The following CCDC88A variants were observed in gnomAD, a reference collection of about 807,000 sequenced individuals.
The protein encoded by CCDC88A is girdin.
In CCDC88A, 54 loss-of-function variants were observed where a neutral mutation model predicts 234.3. That is an observed-to-expected ratio of 0.23 (90% CI 0.19 to 0.29). CCDC88A has a LOEUF of 0.29. Among genes scored for constraint, CCDC88A ranks in the 10% least tolerant of loss-of-function variants. CCDC88A has a pLI of 1.00. For missense variants in CCDC88A, 1,832 were observed against 2,123.4 expected, an observed-to-expected ratio of 0.86 and a Z score of 2.70; for synonymous variants, 753 against 737.8, an observed-to-expected ratio of 1.02 and a Z score of -0.33.
chr2:55,327,031 G>GT (rs1028299203), intron 17 of CCDC88A, among the ~76,000 whole-genome samples: 11 of 152,042 alleles, frequency 7.2e-5, no homozygotes, highest in East Asian at 1.9e-4. Context: ...AGGTTAATGT[G>GT]TTTTTTTTGT....
At chr2:55,399,117 A>C (rs1678132586) in intron 2 of CCDC88A, among the ~76,000 whole-genome samples, 1 of 152,140 alleles carries the variant, frequency 6.6e-6, no homozygotes, top group Non-Finnish European at 1.5e-5. Flanking sequence ...AAAAGATAAA[A>C]TCTTATCTAC....
intron 2 of CCDC88A, among the ~76,000 whole-genome samples, chr2:55,390,851 C>T (rs1676522847): frequency 6.6e-6 from 1 of 152,182 alleles, no homozygotes; most frequent in Non-Finnish European, 1.5e-5. Flanking sequence ...GCTTTGGCTT[C>T]ACACAGGCAT....
At chr2:55,353,479 T>C (rs1670150776) in intron 8 of CCDC88A, among the ~76,000 whole-genome samples, 1 of 152,172 alleles carries the variant, frequency 6.6e-6, no homozygotes, top group Non-Finnish European at 1.5e-5. Flanking sequence ...AAATGAAAGC[T>C]GTTATTTTTT....
Position 55,335,160 on chromosome 2 carries a change from T to C in CCDC88A, c.1661A>G (p.Lys554Arg), listed in dbSNP as rs1393670739. Residue 554 changes from lysine to arginine, a missense_variant, in exon 15 of 33, where the codon AAG (lysine) becomes AGG (arginine). Around this residue, in one of 6 missense-constraint regions of CCDC88A, gnomAD observed 1,282 missense variants for 1,543.6 expected, o/e 0.83. Coordinates refer to ENST00000436346, the MANE Select transcript of CCDC88A (RefSeq NM_001365480.1). This position sits in a 1 kb window ranked among gnomAD's most constrained non-coding sequence, Gnocchi z 4.5. The stretch of plus-strand genomic sequence containing the variant: ...ATGTTCATTTTCCTGTTCCAGTATC[T>C]TAATCTAATTTGAAAAGAAAATAAT... ...TLRENSERQI[K>R]ILEQENEHLN... is the part of the protein sequence containing the mutation. The C allele has an allele frequency of 1.4e-6, 2 of 1,465,010 alleles. No homozygotes were observed. Among genetic ancestry groups the C allele is most frequent in the Non-Finnish European group, 1.8e-6 (2 of 1,106,310 alleles). The allele number at this position is 1,465,010 out of a possible 1,614,324, so 90.8% of individuals were successfully genotyped here. A position where few individuals can be genotyped will look rare whatever the true frequency, so the allele number is the denominator to read the frequency against.
chr2:55,313,677 G>GTTTTT (rs1682612839), intron 22 of CCDC88A: 2 of 152,004 alleles, frequency 1.3e-5, no homozygotes, highest in African/African-American at 4.8e-5. Flanking sequence ...CCAGAGATCT[G>GTTTTT]TATTAAAAAA....
rs1436513647 is a variant in CCDC88A, at chr2:55,362,203, T to G, written c.627+105A>C. The G allele has an allele frequency of 4.6e-6, 4 of 860,866 alleles. No homozygotes were observed. In the African/African-American group the frequency reaches 7.1e-5, roughly 15 times the overall value. 53.3% of individuals were successfully genotyped at this position (860,866 alleles called of 1,614,324 possible). A position where few individuals can be genotyped will look rare whatever the true frequency, so the allele number is the denominator to read the frequency against. ...CCACACAAAAAAAGACACTCCTGTA[T>G]CACCTGTCTCTAAGAAATAGTATCG... On this transcript the variant is annotated intron_variant, in intron 7 of 32. Coordinates refer to ENST00000436346, the MANE Select transcript of CCDC88A (RefSeq NM_001365480.1).
At chr2:55,397,720 T>C (rs906330901) in intron 2 of CCDC88A, among the ~76,000 whole-genome samples, 1 of 152,156 alleles carries the variant, frequency 6.6e-6, no homozygotes, top group African/African-American at 2.4e-5. Flanking sequence ...TCTTCTTAAA[T>C]TTTGTGTCCA....
intron 31 of CCDC88A, chr2:55,292,039 C>T (rs1257729332): frequency 6.9e-6 from 2 of 289,450 alleles, no homozygotes; most frequent in Non-Finnish European, 1.3e-5. Context: ...GATAGCCTTA[C>T]TATGTTTATT....
At chr2:55,413,651 A>C (rs1680867136) in intron 2 of CCDC88A, among the ~76,000 whole-genome samples, 2 of 152,192 alleles carry the variant, frequency 1.3e-5, no homozygotes, top group South Asian at 4.1e-4. Flanking sequence ...CCCTGGCTTC[A>C]GGAAACTCAC....
chr2:55,336,606 G>A, intron 14 of CCDC88A, 75 bp downstream of exon 14: 2 of 898,402 alleles, frequency 2.2e-6, no homozygotes, highest in Non-Finnish European at 3.3e-6. Context: ...TGAACATTTT[G>A]TTTGCATATA....
intron 17 of CCDC88A, among the ~76,000 whole-genome samples, chr2:55,327,225 C>T (rs1429859177): frequency 1.3e-5 from 2 of 152,104 alleles, no homozygotes; most frequent in Non-Finnish European, 2.9e-5. Context: ...TGGAAAAAAA[C>T]TGGAACATTC....
chr2:55,408,219 A>C (rs1679922030), intron 2 of CCDC88A, among the ~76,000 whole-genome samples: 1 of 152,082 alleles, frequency 6.6e-6, no homozygotes, highest in East Asian at 1.9e-4. Flanking sequence ...TCAAATTCTG[A>C]AAATCTACTC....
chr2:55,358,763 T>C (rs1233659258), intron 7 of CCDC88A, among the ~76,000 whole-genome samples: 1 of 150,420 alleles, frequency 6.6e-6, no homozygotes, highest in Non-Finnish European at 1.5e-5. Context: ...GATATACAAG[T>C]TTCTTCAACC....
chr2:55,343,939 T>C, intron 11 of CCDC88A, 147 bp from the exon 12 acceptor site: 1 of 622,964 alleles, frequency 1.6e-6, no homozygotes, highest in Admixed American at 3.5e-5. Flanking sequence ...AAGGCAATTA[T>C]AATTATTACC....
At position 55,334,820 on chromosome 2, in the gene CCDC88A, C is replaced by A; in HGVS notation, c.2001G>T (p.Glu667Asp). 1 of 1,570,130 alleles carries A rather than the reference C, an allele frequency of 6.4e-7. No individual in the cohort carries two copies. Among genetic ancestry groups the A allele is most frequent in the South Asian group, 1.2e-5 (1 of 84,266 alleles). ...TTAATTTTCTATTTTCTCTTTCTAG[C>A]TCTGAATTTTCTTGTTCTAAGGCCT... Reference protein sequence around the residue: ...KIEALEQENSELERENRKLKK... With the variant: ...KIEALEQENSDLERENRKLKK... The change falls in exon 15 of 33, where the codon GAG becomes GAT. Residue 667 changes from glutamate to aspartate, a missense_variant. Physicochemically the swap from Glu to Asp is conservative, Grantham distance 45. Transcript: ENST00000436346. This position sits in a 1 kb window ranked among gnomAD's most constrained non-coding sequence, Gnocchi z 6.1.
intron 3 of CCDC88A, among the ~76,000 whole-genome samples, chr2:55,376,873 C>T (rs1673724494): frequency 6.6e-6 from 1 of 152,162 alleles, no homozygotes. Flanking sequence ...GCTCTGTCAC[C>T]CAGGCTGGAG....
At chr2:55,403,445 G>C (rs1164769753) in intron 2 of CCDC88A, 2 of 152,158 alleles carry the variant, frequency 1.3e-5, no homozygotes, top group East Asian at 3.8e-4. Context: ...AGTGAAACTG[G>C]GTTTATTTAT....
intron 9 of CCDC88A, among the ~76,000 whole-genome samples, chr2:55,347,837 C>G (rs1251378611): frequency 2.0e-5 from 3 of 152,014 alleles, no homozygotes; most frequent in Admixed American, 1.3e-4. Flanking sequence ...GTCTTCAATT[C>G]CTGGCCTCAA....
In CCDC88A at chr2:55,335,642, C is replaced by CA. The variant is rs1188072594; in HGVS notation, c.1657-479dup. 6.6e-6 allele frequency among the ~76,000 whole-genome samples: 1 copy of CA among 152,010 alleles called. No homozygotes were observed. The highest frequency in any genetic ancestry group is 1.9e-4 in the East Asian group (1 of 5,198). ...GTTTGTATGTGTGTGTATTCATTCC[C>CA]AAAAAGAATTCTAAGTAGGAAGCAT... is the stretch of plus-strand genomic sequence containing the variant. On this transcript the variant is annotated intron_variant, in intron 14 of 32. Transcript: ENST00000436346. This position sits in a 1 kb window ranked among gnomAD's most constrained non-coding sequence, Gnocchi z 4.5.
Sources: gnomAD v4.1 joint callset for allele counts (sites outside exome capture counted in the v4.1 genomes callset) on GRCh38, gnomAD v4.1.1 for gene constraint, gnomAD v4.1.1 regional missense constraint, Gnocchi (gnomAD v3.1) non-coding constraint, MANE v1.5 for transcripts, NCBI Gene and HGNC (gene_info 2026-07-23, HGNC 2026-07-21) for gene names.